PRAG1: variants seen among roughly 807,000 people sequenced by gnomAD.
PRAG1 encodes PEAK1 related, kinase-activating pseudokinase 1.
Under a neutral mutation model 95.6 loss-of-function variants are expected in PRAG1, and 110 were observed. That is an observed-to-expected ratio of 1.15 (90% CI 0.99 to 1.35). The LOEUF (loss-of-function observed/expected upper bound fraction) is 1.35. Ranked by LOEUF, PRAG1 falls within the 40% of genes most tolerant of loss-of-function variation. The probability of loss-of-function intolerance (pLI) is 0.00; values close to 1 mark genes in which losing one functional copy is unlikely to be tolerated. For missense variants in PRAG1, 2,554 were observed against 1,864.7 expected, an observed-to-expected ratio of 1.37 and a Z score of -6.81; for synonymous variants, 1,052 against 819.4, an observed-to-expected ratio of 1.28 and a Z score of -4.85.
chr8:8,383,327 T>G (rs1301445972), intron 1 of PRAG1, among the ~76,000 whole-genome samples: 1 of 152,094 alleles, frequency 6.6e-6, no homozygotes, highest in Non-Finnish European at 1.5e-5. Flanking sequence ...TCCCAGCACT[T>G]TGGGAGGCCG....
At chr8:8,380,829 G>C (rs1384190889) in intron 2 of PRAG1, among the ~76,000 whole-genome samples, 1 of 128,238 alleles carries the variant, frequency 7.8e-6, no homozygotes, top group African/African-American at 3.1e-5. Flanking sequence ...CTCCAGCCTG[G>C]ACGACAGAGA....
intron 1 of PRAG1, among the ~76,000 whole-genome samples, chr8:8,383,595 A>G: frequency 6.6e-6 from 1 of 152,128 alleles, no homozygotes; most frequent in Non-Finnish European, 1.5e-5. Flanking sequence ...AAACAAAAAA[A>G]AAGTTAAGAA....
chr8:8,345,532 T>C (rs1160194661), intron 3 of PRAG1, among the ~76,000 whole-genome samples: 1 of 152,166 alleles, frequency 6.6e-6, no homozygotes, highest in Middle Eastern at 3.2e-3. Flanking sequence ...GGCTCACACT[T>C]GTAATCCCAG....
intron 3 of PRAG1, among the ~76,000 whole-genome samples, chr8:8,347,317 CCAGCT>C (rs1274586565): frequency 6.6e-6 from 1 of 152,190 alleles, no homozygotes; most frequent in African/African-American, 2.4e-5. Flanking sequence ...TGTGAATTCA[CCAGCT>C]CAGAGCTCTC....
At chr8:8,352,381 C>A (rs1430636991) in intron 3 of PRAG1, among the ~76,000 whole-genome samples, 2 of 152,234 alleles carry the variant, frequency 1.3e-5, no homozygotes, top group African/African-American at 4.8e-5. Context: ...CTGTACCAGG[C>A]AGCCCAGTGC....
rs186685695 is a variant in PRAG1 at position 8,338,041 on chromosome 8, C to T, written c.2320+1437G>A. On this transcript the variant is annotated intron_variant, in intron 4 of 5. Coordinates refer to ENST00000615670, the MANE Select transcript of PRAG1 (RefSeq NM_001080826.3). Reference sequence around the variant, plus strand: ...CCTCTCCTCCTCACCCCCTACCTCCCCAGTTCTGGCCACATTTCAGATCTG... The same window carrying T: ...CCTCTCCTCCTCACCCCCTACCTCCTCAGTTCTGGCCACATTTCAGATCTG... 1.6e-3 allele frequency among the ~76,000 whole-genome samples: 246 copies of T among 152,264 alleles called. 1 individual carries two copies. Among genetic ancestry groups the T allele is most frequent in the Non-Finnish European group, 2.7e-3 (183 of 68,016 alleles).
intron 1 of PRAG1, among the ~76,000 whole-genome samples, chr8:8,385,792 T>A (rs192375750): frequency 6.6e-6 from 1 of 151,980 alleles, no homozygotes; most frequent in African/African-American, 2.4e-5. Context: ...GCTCACAGCA[T>A]GCGTTTCAGA....
At position 8,383,014 on chromosome 8, in the gene PRAG1, A is replaced by G. The variant is rs374557718; in HGVS notation, c.-87-1180T>C. 7.0e-4 allele frequency among the ~76,000 whole-genome samples: 107 copies of G among 152,308 alleles called. 1 individual carries two copies. Among genetic ancestry groups the G allele is most frequent in the African/African-American group, 2.5e-3 (102 of 41,566 alleles). ...GTTCAAGAGCAAAATCTTCCTTAAG[A>G]ACATAAGGGTGAATAGGTTCTCATT... On this transcript the variant is annotated intron_variant, in intron 1 of 5. Transcript: ENST00000615670.
intron 4 of PRAG1, among the ~76,000 whole-genome samples, chr8:8,333,247 C>T (rs552105430): frequency 1.6e-4 from 25 of 152,272 alleles, no homozygotes; most frequent in African/African-American, 5.8e-4. Context: ...ATTTTGCATG[C>T]TAATTGGGCC....
intron 3 of PRAG1, among the ~76,000 whole-genome samples, chr8:8,348,981 C>T (rs1799432238): frequency 6.6e-6 from 1 of 152,144 alleles, no homozygotes; most frequent in South Asian, 2.1e-4. Flanking sequence ...ATAAATGTTT[C>T]CTTTAAGAAA....
intron 1 of PRAG1, among the ~76,000 whole-genome samples, 195 bp from the exon 2 acceptor site, chr8:8,382,029 A>G (rs1156924439): frequency 2.0e-5 from 3 of 152,220 alleles, no homozygotes; most frequent in Non-Finnish European, 4.4e-5. Flanking sequence ...CCTTATCAGA[A>G]GCTGTAAAAA....
chr8:8,352,884 T>G (rs987113377), intron 3 of PRAG1, among the ~76,000 whole-genome samples: 1 of 152,086 alleles, frequency 6.6e-6, no homozygotes, highest in Non-Finnish European at 1.5e-5. Context: ...AGATATTCCA[T>G]GCAAATAATA....
At chr8:8,346,567 T>A (rs1799349404) in intron 3 of PRAG1, among the ~76,000 whole-genome samples, 1 of 152,098 alleles carries the variant, frequency 6.6e-6, no homozygotes, top group Admixed American at 6.6e-5. Context: ...GGTGGAAAGC[T>A]GGAAAAAAAG....
At position 8,339,614 on chromosome 8, in the gene PRAG1, CTTG is replaced by C. The variant is rs770321279; in HGVS notation, c.2181_2183del (p.Asn727del). 7 of 1,612,252 alleles carry C rather than the reference CTTG, an allele frequency of 4.3e-6. No homozygotes were observed. The highest frequency in any genetic ancestry group is 1.3e-5 in the African/African-American group (1 of 74,904). ...TCACTTTTTCCAAATCAGAGCTGCTCTTGTTCATTTTTAGAAGGTGCCTGGAAA... is the reference window on the plus strand; with the variant it reads ...TCACTTTTTCCAAATCAGAGCTGCTCTTCATTTTTAGAAGGTGCCTGGAAA... On this transcript the variant is annotated inframe_deletion, in exon 4 of 6. Coordinates refer to ENST00000615670, the MANE Select transcript of PRAG1 (RefSeq NM_001080826.3).
intron 3 of PRAG1, among the ~76,000 whole-genome samples, chr8:8,371,913 A>G (rs1015342000): frequency 5.9e-5 from 9 of 151,956 alleles, no homozygotes; most frequent in Non-Finnish European, 1.3e-4. Flanking sequence ...TCTTGGGGAA[A>G]TTTTTCTTTT....
At chr8:8,346,500 T>C (rs1459755192) in intron 3 of PRAG1, among the ~76,000 whole-genome samples, 1 of 152,150 alleles carries the variant, frequency 6.6e-6, no homozygotes, top group African/African-American at 2.4e-5. Context: ...TGAGAATAGC[T>C]TTTCCCTCCA....
At chr8:8,382,068 G>T (rs138903862) in intron 1 of PRAG1, among the ~76,000 whole-genome samples, 1 of 151,932 alleles carries the variant, frequency 6.6e-6, no homozygotes, top group Non-Finnish European at 1.5e-5. Flanking sequence ...CTTTAAAGGA[G>T]TAAATAAAAG....
chr8:8,373,340 T>C (rs1800275273), intron 3 of PRAG1, among the ~76,000 whole-genome samples: 1 of 152,214 alleles, frequency 6.6e-6, no homozygotes, highest in Non-Finnish European at 1.5e-5. Flanking sequence ...ATAATGTCAG[T>C]AATGCTTGAG....
At position 8,328,989 on chromosome 8, in the gene PRAG1, A is replaced by T. The variant is rs115167323; in HGVS notation, c.2321-528T>A. ...TTTGATGGACACTTAAATTGTTTCC[A>T]ATATTTTGCAAACAATGCTGCAACA... On this transcript the variant is annotated intron_variant, in intron 4 of 5. Coordinates refer to ENST00000615670, the MANE Select transcript of PRAG1 (RefSeq NM_001080826.3). Among the ~76,000 whole-genome samples, 690 of 152,342 alleles carry T rather than the reference A, an allele frequency of 4.5e-3. 7 individuals carry two copies. The highest frequency in any genetic ancestry group is 0.015 in the African/African-American group (640 of 41,570).
Sources: gnomAD v4.1 joint callset for allele counts (sites outside exome capture counted in the v4.1 genomes callset) on GRCh38, gnomAD v4.1.1 for gene constraint, MANE v1.5 for transcripts, NCBI Gene and HGNC (gene_info 2026-07-23, HGNC 2026-07-21) for gene names.